The following TSPAN14 variants were observed in gnomAD, a reference collection of about 807,000 sequenced individuals.
TSPAN14 encodes tetraspanin 14, also known as tetraspanin-14.
TSPAN14 carries 16 observed loss-of-function variants against 36.6 expected under a neutral mutation model. The observed-to-expected ratio is 0.44, with a 90% confidence interval of 0.30 to 0.66. The LOEUF is 0.66. Ranked by LOEUF, TSPAN14 falls within the 30% of genes least tolerant of loss-of-function variation. The pLI, the probability that TSPAN14 is intolerant of heterozygous loss-of-function variation, is 0.12. For synonymous variants in TSPAN14, 139 were observed against 143.8 expected, an observed-to-expected ratio of 0.97 and a Z score of 0.24; for missense variants, 231 against 355.1, an observed-to-expected ratio of 0.65 and a Z score of 2.81.
chr10:80,511,421 G>C (rs561591003), intron 5 of TSPAN14, among the ~76,000 whole-genome samples: 1 of 152,172 alleles, frequency 6.6e-6, no homozygotes, highest in African/African-American at 2.4e-5. Flanking sequence ...GTGTTCTCTT[G>C]TGGCAAGTAG....
intron 1 of TSPAN14, among the ~76,000 whole-genome samples, chr10:80,473,595 C>A (rs1191033596): frequency 6.6e-6 from 1 of 152,014 alleles, no homozygotes; most frequent in Non-Finnish European, 1.5e-5. Flanking sequence ...GGGATCCAGC[C>A]CCCCTGACGT....
Position 80,458,723 on chromosome 10 carries a change from G to C in TSPAN14, c.-18+4352G>C, listed in dbSNP as rs191510436. ...GTCCTCTGTAACTGTGAATCAGGGA[G>C]GTTATTCATAATATCTCCACATCCA... On this transcript the variant is annotated intron_variant, in intron 1 of 8. Transcript: ENST00000429989. Among the ~76,000 whole-genome samples the C allele has an allele frequency of 1.8e-3, 277 of 152,266 alleles. 1 individual carries two copies. Among genetic ancestry groups the C allele is most frequent in the Middle Eastern group, 6.8e-3 (2 of 294 alleles).
At chr10:80,487,259 G>C (rs1019395950) in intron 1 of TSPAN14, among the ~76,000 whole-genome samples, 6 of 151,644 alleles carry the variant, frequency 4.0e-5, no homozygotes, top group Non-Finnish European at 7.4e-5. Context: ...GCAGCCCTCA[G>C]TGCCTAAGCT....
rs1165604489 is a variant in TSPAN14 at position 80,509,541 on chromosome 10, A to G, written c.450+70A>G. On this transcript the variant is annotated intron_variant, in intron 5 of 8. Coordinates refer to ENST00000429989, the Ensembl canonical transcript of TSPAN14. This position sits in a 1 kb window ranked among gnomAD's most constrained non-coding sequence, Gnocchi z 4.7. ...TGTGCTGCCTGGAGCTGAGTCTAGC[A>G]GGGGCATCAGGCCTTCTCTGTGGGT... 3.9e-6 allele frequency: 6 copies of G among 1,524,986 alleles called. No individual in the cohort carries two copies. The allele number at this position is 1,524,986 out of a possible 1,614,324, so 94.5% of individuals were successfully genotyped here.
chr10:80,491,161 C>T (rs1017760411), intron 2 of TSPAN14, among the ~76,000 whole-genome samples: 2 of 152,178 alleles, frequency 1.3e-5, no homozygotes, highest in African/African-American at 2.4e-5. Flanking sequence ...GGTCTTTTAG[C>T]CCACATCTTT....
At chr10:80,466,815 T>G (rs972815761) in intron 1 of TSPAN14, among the ~76,000 whole-genome samples, 4 of 152,132 alleles carry the variant, frequency 2.6e-5, no homozygotes, top group Admixed American at 2.6e-4. Context: ...TTATACATTT[T>G]AAGGAGGCAA....
At chr10:80,458,520 T>A (rs1181945617) in intron 1 of TSPAN14, among the ~76,000 whole-genome samples, 2 of 152,170 alleles carry the variant, frequency 1.3e-5, no homozygotes. Flanking sequence ...TATTTCCACC[T>A]TTTCCAGGGC....
At chr10:80,459,350 C>T (rs1287023035) in intron 1 of TSPAN14, 6 of 152,414 alleles carry the variant, frequency 3.9e-5, no homozygotes, top group Admixed American at 3.3e-4. Context: ...TGTACTGCCT[C>T]CCAACTGAGC....
intron 1 of TSPAN14, among the ~76,000 whole-genome samples, chr10:80,457,587 A>C (rs1407973611): frequency 2.0e-5 from 3 of 152,212 alleles, no homozygotes; most frequent in Non-Finnish European, 4.4e-5. Context: ...GAACTAATGA[A>C]TGTTTTCAGT....
chr10:80,488,684 T>C (rs1289078554), intron 1 of TSPAN14, among the ~76,000 whole-genome samples: 1 of 152,144 alleles, frequency 6.6e-6, no homozygotes, highest in Admixed American at 6.5e-5. Flanking sequence ...CTGGGCACAG[T>C]TGGATCATGT....
At chr10:80,508,241 G>A (rs922385727) in intron 4 of TSPAN14, among the ~76,000 whole-genome samples, 29 of 151,274 alleles carry the variant, frequency 1.9e-4, no homozygotes, top group Non-Finnish European at 1.9e-4. Flanking sequence ...TCAGCCTCCC[G>A]AGTAGCTGGG....
At chr10:80,468,112 A>G (rs1218422188) in intron 1 of TSPAN14, among the ~76,000 whole-genome samples, 1 of 151,976 alleles carries the variant, frequency 6.6e-6, no homozygotes, top group African/African-American at 2.4e-5. Flanking sequence ...TTTCCTGGTG[A>G]CCTTTCAGGC....
intron 1 of TSPAN14, among the ~76,000 whole-genome samples, chr10:80,487,971 C>T (rs1031422745): frequency 6.6e-6 from 1 of 152,232 alleles, no homozygotes; most frequent in African/African-American, 2.4e-5. Flanking sequence ...TGCAGACCAG[C>T]AGCCAGCCTG....
intron 1 of TSPAN14, among the ~76,000 whole-genome samples, chr10:80,474,175 G>A (rs1043577350): frequency 6.6e-6 from 1 of 152,170 alleles, no homozygotes; most frequent in Non-Finnish European, 1.5e-5. Context: ...CTTGGGATGG[G>A]CCTGTGATCA....
At chr10:80,454,754 G>A (rs1037292451) in intron 1 of TSPAN14, among the ~76,000 whole-genome samples, 4 of 152,036 alleles carry the variant, frequency 2.6e-5, no homozygotes, top group Non-Finnish European at 4.4e-5. Flanking sequence ...TGCTGCTCGG[G>A]GCTCTGCTTC....
intron 8 of TSPAN14, among the ~76,000 whole-genome samples, chr10:80,516,842 G>A (rs1039082240): frequency 2.0e-5 from 3 of 152,214 alleles, no homozygotes; most frequent in African/African-American, 4.8e-5. Flanking sequence ...ATCCTCTGAG[G>A]CCTGCTGCCG....
At chr10:80,514,956 C>T (rs1840854144) in intron 7 of TSPAN14, among the ~76,000 whole-genome samples, 1 of 152,088 alleles carries the variant, frequency 6.6e-6, no homozygotes. Context: ...ATCCATGAAC[C>T]AGAAAGTGGG....
At chr10:80,511,725 TCTCTCTCTCTCTCTCTC>T (rs1840646637) in intron 5 of TSPAN14, among the ~76,000 whole-genome samples, 3 of 97,266 alleles carry the variant, frequency 3.1e-5, no homozygotes, top group East Asian at 4.7e-4. Context: ...TCTCTCTCTC[TCTCTCTCTCTCTCTCTC>T]TCTCTCTCTC....
At position 80,510,805 on chromosome 10, in the gene TSPAN14, C is replaced by T. The variant is rs189724943; in HGVS notation, c.450+1334C>T. ...AGGAGAATGGTGTGAACCCGGGAGG[C>T]GGAACTGGCAGTGAGCCGAGATCAC... On this transcript the variant is annotated intron_variant, in intron 5 of 8. Transcript: ENST00000429989. Among the ~76,000 whole-genome samples the T allele has an allele frequency of 5.3e-3, 806 of 151,994 alleles. 9 individuals are homozygous for T. The highest frequency in any genetic ancestry group is 0.017 in the African/African-American group (684 of 41,430).
Sources: gnomAD v4.1 joint callset for allele counts (sites outside exome capture counted in the v4.1 genomes callset) on GRCh38, gnomAD v4.1.1 for gene constraint, Gnocchi (gnomAD v3.1) non-coding constraint, MANE v1.5 for transcripts, NCBI Gene and HGNC (gene_info 2026-07-23, HGNC 2026-07-21) for gene names.